The following SVIL variants were observed in gnomAD, a reference collection of about 807,000 sequenced individuals.
SVIL encodes the protein archvillin.
Under a neutral mutation model 240.4 loss-of-function variants are expected in SVIL, and 101 were observed. That is an observed-to-expected ratio of 0.42 (90% CI 0.36 to 0.50). The LOEUF (loss-of-function observed/expected upper bound fraction) is 0.50, where lower values mean the gene tolerates loss of function less well. Among genes scored for constraint, SVIL ranks in the 20% least tolerant of loss-of-function variants. The pLI is 0.01. For synonymous variants in SVIL, 999 were observed against 1,100.0 expected (o/e 0.91, Z 1.82); for missense variants, 2,512 against 2,818.7 (o/e 0.89, Z 2.46).
intron 1 of SVIL, among the ~76,000 whole-genome samples, chr10:29,602,909 C>T (rs574204000): frequency 4.8e-4 from 73 of 152,168 alleles, no homozygotes; most frequent in African/African-American, 1.7e-3. Context: ...TTGCTTGAAC[C>T]TGGGAGGCAG....
intron 1 of SVIL, among the ~76,000 whole-genome samples, chr10:29,578,220 C>T (rs1955787908): frequency 6.6e-6 from 1 of 152,228 alleles, no homozygotes; most frequent in Non-Finnish European, 1.5e-5. Flanking sequence ...AGAGATAACT[C>T]TGTTCATGTG....
Position 29,551,308 on chromosome 10 carries a change from G to A in SVIL, c.161-45C>T, listed in dbSNP as rs751301022. 4.0e-6 allele frequency: 6 copies of A among 1,507,820 alleles called. No homozygotes were observed. The East Asian group carries it at 1.4e-4, about 34-fold the overall frequency. 93.4% of individuals were successfully genotyped at this position (1,507,820 alleles called of 1,614,324 possible). A position where few individuals can be genotyped will look rare whatever the true frequency, so the allele number is the denominator to read the frequency against. ...ATGAGAGGTGCAGATTTCAAGTAAA[G>A]ACATGTATTTACACACAGAATGACA... On this transcript the variant is annotated intron_variant, in intron 5 of 37. Transcript: ENST00000355867.
intron 2 of SVIL, among the ~76,000 whole-genome samples, chr10:29,661,008 A>T (rs550206086): frequency 2.0e-5 from 3 of 152,158 alleles, no homozygotes. Flanking sequence ...CTCTACTAAA[A>T]ATACAAAAAT....
intron 1 of SVIL, among the ~76,000 whole-genome samples, chr10:29,687,745 C>T (rs966213126): frequency 6.6e-6 from 1 of 152,206 alleles, no homozygotes; most frequent in Non-Finnish European, 1.5e-5. Context: ...CAATGCCTTC[C>T]CCCTTTAAGA....
intron 3 of SVIL, among the ~76,000 whole-genome samples, chr10:29,655,328 C>G (rs755803183): frequency 1.3e-5 from 2 of 152,038 alleles, no homozygotes; most frequent in Non-Finnish European, 2.9e-5. Context: ...GACCCCCCGG[C>G]AAGCCACTGG....
chr10:29,545,027 T>A (rs748035750), intron 6 of SVIL: 1 of 534,662 alleles, frequency 1.9e-6, no homozygotes, highest in South Asian at 1.4e-5. Flanking sequence ...CTGTCCTGAA[T>A]TCCGCAGCCT....
chr10:29,645,889 G>T (rs1294620239), intron 3 of SVIL, among the ~76,000 whole-genome samples: 1 of 152,208 alleles, frequency 6.6e-6, no homozygotes, highest in African/African-American at 2.4e-5. Flanking sequence ...TTGCATCAAA[G>T]GGAAGAGAGA....
intron 2 of SVIL, among the ~76,000 whole-genome samples, chr10:29,685,168 G>A (rs3847395): frequency 0.23 from 35,613 of 152,024 alleles, 4,660 homozygotes; most frequent in African/African-American, 0.34. Flanking sequence ...GAGTACATAC[G>A]GTATTTGGTT....
intron 1 of SVIL, among the ~76,000 whole-genome samples, chr10:29,605,798 G>T (rs1419629671): frequency 6.6e-6 from 1 of 150,648 alleles, no homozygotes; most frequent in African/African-American, 2.4e-5. Flanking sequence ...AGAGATAGTT[G>T]ATTTTTATCA....
chr10:29,538,570 G>A (rs1234244180), intron 6 of SVIL, among the ~76,000 whole-genome samples: 1 of 152,208 alleles, frequency 6.6e-6, no homozygotes, highest in East Asian at 1.9e-4. Context: ...ATGCTCCCCT[G>A]CGATGCTCGC....
At chr10:29,553,461 A>C (rs1487018695) in intron 5 of SVIL, among the ~76,000 whole-genome samples, 1 of 152,044 alleles carries the variant, frequency 6.6e-6, no homozygotes, top group Non-Finnish European at 1.5e-5. Flanking sequence ...GGCACCTGTA[A>C]TCCCAGCTAC....
intron 1 of SVIL, among the ~76,000 whole-genome samples, chr10:29,584,147 A>G (rs1213288126): frequency 6.6e-6 from 1 of 152,234 alleles, no homozygotes; most frequent in Non-Finnish European, 1.5e-5. Context: ...CAGGGAGGCC[A>G]TGGGCCCTCA....
At chr10:29,603,173 A>G (rs540014666) in intron 1 of SVIL, among the ~76,000 whole-genome samples, 1 of 152,254 alleles carries the variant, frequency 6.6e-6, no homozygotes, top group East Asian at 1.9e-4. Context: ...GTGGCCATGC[A>G]TGGTATTTAG....
chr10:29,479,669 T>C (rs963954858), intron 29 of SVIL, among the ~76,000 whole-genome samples: 7 of 152,216 alleles, frequency 4.6e-5, no homozygotes, highest in Non-Finnish European at 1.0e-4. Context: ...ATGCATCTTG[T>C]ATAAATCAGG....
At chr10:29,512,948 TG>T in intron 16 of SVIL, 87 bp from the exon 17 acceptor site, 1 of 1,521,204 alleles carries the variant, frequency 6.6e-7, no homozygotes. Context: ...AGAGGCGGCT[TG>T]GGCCAAGATA....
intron 2 of SVIL, among the ~76,000 whole-genome samples, chr10:29,566,856 C>T (rs868103029): frequency 6.6e-6 from 1 of 152,144 alleles, no homozygotes; most frequent in African/African-American, 2.4e-5. Context: ...CACCCCTCAA[C>T]CCCAACTTCC....
chr10:29,584,637 C>T (rs1956087832), intron 1 of SVIL, among the ~76,000 whole-genome samples: 1 of 152,236 alleles, frequency 6.6e-6, no homozygotes, highest in Non-Finnish European at 1.5e-5. Context: ...CGTTCACTGG[C>T]TCTGGGTCTC....
intron 16 of SVIL, among the ~76,000 whole-genome samples, chr10:29,516,770 A>G (rs368220765): frequency 2.2e-4 from 34 of 152,148 alleles, no homozygotes; most frequent in African/African-American, 8.2e-4. Flanking sequence ...GCCTGCCAGG[A>G]CACCCGGGGA....
At chr10:29,662,871 G>A (rs1349970500) in intron 2 of SVIL, among the ~76,000 whole-genome samples, 2 of 152,294 alleles carry the variant, frequency 1.3e-5, no homozygotes, top group South Asian at 4.1e-4. Context: ...AGCACTCTGG[G>A]AGCCCAAGGC....
Sources: gnomAD v4.1 joint callset for allele counts (sites outside exome capture counted in the v4.1 genomes callset) on GRCh38, gnomAD v4.1.1 for gene constraint, MANE v1.5 for transcripts, NCBI Gene and HGNC (gene_info 2026-07-23, HGNC 2026-07-21) for gene names.